Variants in TRIM5 observed in about 807,000 individuals in gnomAD.
TRIM5 encodes tripartite motif containing 5, also known as tripartite motif-containing protein 5.
Under a neutral mutation model 35.6 loss-of-function variants are expected in TRIM5, and 31 were observed. The observed-to-expected ratio is 0.87, with a 90% confidence interval of 0.65 to 1.18. The LOEUF is 1.18. Ranked by LOEUF, TRIM5 falls within the 50% of genes most tolerant of loss-of-function variation. TRIM5 has a pLI of 0.00. For missense variants in TRIM5, 609 were observed against 591.6 expected (o/e 1.03, Z -0.31); for synonymous variants, 243 against 215.6 (o/e 1.13, Z -1.11).
At chr11:5,610,788 C>G in the TRIM5 span, 5 of 1,614,002 alleles carry the variant, frequency 3.1e-6, no homozygotes, top group Non-Finnish European at 4.2e-6. Context: ...TGACGTGACC[C>G]TGAATCCACA....
intron 1 of TRIM5, among the ~76,000 whole-genome samples, chr11:5,680,880 T>C (rs964451609): frequency 6.6e-6 from 1 of 152,234 alleles, no homozygotes; most frequent in Admixed American, 6.5e-5. Flanking sequence ...TATGGTGACC[T>C]GAGATGACCT....
intron 4 of TRIM5, among the ~76,000 whole-genome samples, chr11:5,677,431 A>G (rs1442341043): frequency 2.0e-5 from 3 of 152,200 alleles, no homozygotes; most frequent in African/African-American, 4.8e-5. Flanking sequence ...TTAGAATGGC[A>G]ATCATTAAAA....
At position 5,680,104 on chromosome 11, in the gene TRIM5, G is replaced by A. The variant is rs1025975907; in HGVS notation, c.74C>T (p.Pro25Leu). The change falls in exon 2 of 8, where the codon CCC becomes CTC. Residue 25 changes from proline to leucine, a missense_variant. Pro to Leu is a moderately conservative substitution (Grantham distance 98, BLOSUM62 -3). Coordinates refer to ENST00000380034, the MANE Select transcript of TRIM5 (RefSeq NM_033034.3). ...GCTGTGGCCGCAGTCCAGGCTCAGG[G>A]GTTGTGTCAGGAGTTCCAGGCAGAT... ...CPICLELLTQ[P>L]LSLDCGHSFC... 8 of 1,614,076 alleles carry A rather than the reference G, an allele frequency of 5.0e-6. No homozygotes were observed. Among genetic ancestry groups the A allele is most frequent in the Admixed American group, 1.7e-5 (1 of 60,008 alleles).
At chr11:5,632,392 C>G in the TRIM5 span, 1 of 1,614,102 alleles carries the variant, frequency 6.2e-7, no homozygotes, top group Non-Finnish European at 8.5e-7. Flanking sequence ...CTGCCTGGAG[C>G]TGTTGACAGA....
At chr11:5,595,590 G>A in the TRIM5 span, among the ~76,000 whole-genome samples, 1 of 152,158 alleles carries the variant, frequency 6.6e-6, no homozygotes, top group African/African-American at 2.4e-5. Context: ...ACTCTGATAT[G>A]ATATTAGAAA....
the TRIM5 span, chr11:5,610,875 TC>T: frequency 1.2e-6 from 2 of 1,614,152 alleles, no homozygotes; most frequent in Non-Finnish European, 1.7e-6. Context: ...ATCTGGACCT[TC>T]CTGTCTGGAA....
At position 5,683,362 on chromosome 11, in the gene TRIM5, G is replaced by C. The variant is rs188075367; in HGVS notation, c.-62+1506C>G. On this transcript the variant is annotated intron_variant, in intron 1 of 7. Coordinates refer to ENST00000380034, the MANE Select transcript of TRIM5 (RefSeq NM_033034.3). ...GCAGGATCCACTGCGTGAAGCCAGT[G>C]GGGTTCCTGAGTCTGGTGGGGACTT... 7.4e-3 allele frequency among the ~76,000 whole-genome samples: 1,133 copies of C among 152,322 alleles called. 19 individuals carry two copies. Among genetic ancestry groups the C allele is most frequent in the African/African-American group, 0.026 (1,095 of 41,564 alleles).
At chr11:5,665,510 T>G (rs780192440) in intron 7 of TRIM5, 115 bp from the exon 8 acceptor site, 1 of 1,549,056 alleles carries the variant, frequency 6.5e-7, no homozygotes. Flanking sequence ...TTAGAAGTTA[T>G]AAGGAGGGGT....
chr11:5,610,255 T>C, the TRIM5 span: 2 of 1,613,924 alleles, frequency 1.2e-6, no homozygotes, highest in East Asian at 2.2e-5. Context: ...GGTAAGGAGA[T>C]TCAGGGGAAA....
At chr11:5,657,403 T>G in the TRIM5 span, among the ~76,000 whole-genome samples, 6 of 149,892 alleles carry the variant, frequency 4.0e-5, no homozygotes, top group Admixed American at 4.1e-4. Context: ...GGTACGTGTA[T>G]ACCTGTGTAA....
At chr11:5,608,338 A>C in the TRIM5 span, 17 of 1,612,354 alleles carry the variant, frequency 1.1e-5, no homozygotes, top group South Asian at 1.9e-4. Context: ...ATGACCTGTT[A>C]CTCCTTGACT....
At chr11:5,618,429 C>G in the TRIM5 span, among the ~76,000 whole-genome samples, 1 of 152,106 alleles carries the variant, frequency 6.6e-6, no homozygotes, top group Non-Finnish European at 1.5e-5. Context: ...AAAATGTAAT[C>G]TTAGGCCTAA....
chr11:5,656,119 A>T, the TRIM5 span, among the ~76,000 whole-genome samples: 5 of 152,224 alleles, frequency 3.3e-5, no homozygotes, highest in African/African-American at 4.8e-5. Context: ...CTAAAACACC[A>T]AAAGCCATGG....
the TRIM5 span, among the ~76,000 whole-genome samples, chr11:5,657,683 T>TAA: frequency 7.6e-6 from 1 of 131,580 alleles, no homozygotes; most frequent in African/African-American, 2.9e-5. Context: ...ATAATATATA[T>TAA]ATATTTATAA....
the TRIM5 span, chr11:5,643,729 T>C: frequency 6.4e-7 from 1 of 1,556,358 alleles, no homozygotes; most frequent in Non-Finnish European, 8.6e-7. Context: ...TTTCTTCACC[T>C]ACAACCCTTT....
At chr11:5,678,725 C>T (rs1216304316) in intron 3 of TRIM5, among the ~76,000 whole-genome samples, 6 of 152,162 alleles carry the variant, frequency 3.9e-5, no homozygotes, top group Non-Finnish European at 2.9e-5. Context: ...TACTTCTCAG[C>T]CCAAGCTCAA....
chr11:5,599,090 C>A, the TRIM5 span, among the ~76,000 whole-genome samples: 1 of 152,144 alleles, frequency 6.6e-6, no homozygotes, highest in Non-Finnish European at 1.5e-5. Context: ...TGGGTTCTTT[C>A]ACTTTGCATG....
At chr11:5,611,038 A>C in the TRIM5 span, 10 of 1,614,044 alleles carry the variant, frequency 6.2e-6, no homozygotes, top group African/African-American at 1.3e-5. Context: ...TTTGCTCAAA[A>C]TCACAGTGCT....
At chr11:5,631,282 C>A in the TRIM5 span, among the ~76,000 whole-genome samples, 330 of 152,260 alleles carry the variant, frequency 2.2e-3, 1 homozygote, top group Non-Finnish European at 4.2e-3. Flanking sequence ...CTCTCATAAC[C>A]CTGGATCCCA....
Sources: gnomAD v4.1 joint callset for allele counts (sites outside exome capture counted in the v4.1 genomes callset) on GRCh38, gnomAD v4.1.1 for gene constraint, MANE v1.5 for transcripts, NCBI Gene and HGNC (gene_info 2026-07-23, HGNC 2026-07-21) for gene names.